The following EML6 variants were observed in gnomAD, a reference collection of about 807,000 sequenced individuals.
EML6 encodes the protein EMAP like 6, also known as echinoderm microtubule-associated protein-like 6.
A neutral mutation model predicts 240.1 loss-of-function variants in EML6; 154 were observed. That is an observed-to-expected ratio of 0.64 (90% CI 0.56 to 0.73). The LOEUF is 0.73. Ranked by LOEUF, EML6 falls within the 30% of genes least tolerant of loss-of-function variation. The pLI is 0.00. For synonymous variants in EML6, 1,148 were observed against 899.0 expected (o/e 1.28, Z -4.95); for missense variants, 2,964 against 2,474.6 (o/e 1.20, Z -4.20).
chr2:54,919,247 C>CT (rs1056840671), intron 26 of EML6, among the ~76,000 whole-genome samples: 1 of 143,230 alleles, frequency 7.0e-6, no homozygotes, highest in Non-Finnish European at 1.5e-5. Context: ...TTGCTTCCCC[C>CT]CCCCCCCAAT....
rs35753222 is a variant in EML6, at chr2:54,911,432, A to ATT, written c.3498+404_3498+405dup. ...GAACATTATTATCTATAACAACAGA[A>ATT]TTTTTTTTTTTTTTTGAGGTGGAGT... On this transcript the variant is annotated intron_variant, in intron 25 of 41. Coordinates refer to ENST00000356458, the MANE Select transcript of EML6 (RefSeq NM_001039753.4). Among the ~76,000 whole-genome samples, 618 of 145,270 alleles carry ATT rather than the reference A, an allele frequency of 4.3e-3. 2 individuals carry two copies. The highest frequency in any genetic ancestry group is 0.011 in the Middle Eastern group (3 of 280).
chr2:54,750,300 C>T lies in EML6; in HGVS notation c.197+25042C>T, dbSNP rs146099094. On this transcript the variant is annotated intron_variant, in intron 2 of 41. Coordinates refer to ENST00000356458, the MANE Select transcript of EML6 (RefSeq NM_001039753.4). ...TGGCCAAGCTGGAACTCTGCCATTC[C>T]GATGGCTTCATAGCTACTTACTCAC... is the stretch of plus-strand genomic sequence containing the variant. 2.2e-3 allele frequency among the ~76,000 whole-genome samples: 337 copies of T among 152,268 alleles called. 1 individual carries two copies. Among genetic ancestry groups the T allele is most frequent in the Middle Eastern group, 0.014 (4 of 294 alleles).
At chr2:54,776,675 A>G (rs1668617064) in intron 2 of EML6, among the ~76,000 whole-genome samples, 1 of 152,142 alleles carries the variant, frequency 6.6e-6, no homozygotes. Flanking sequence ...ATGAACATGC[A>G]CATGTATTCC....
chr2:54,960,233 G>A lies in EML6; in HGVS notation c.4867G>A (p.Gly1623Ser). The change falls in exon 35 of 42, where the codon GGT becomes AGT. Residue 1623 changes from glycine to serine, a missense_variant. Gly to Ser is a moderately conservative substitution (Grantham distance 56, BLOSUM62 0). Coordinates refer to ENST00000356458, the MANE Select transcript of EML6 (RefSeq NM_001039753.4). ...AATCTTTTTTAGGACCAAAGAAGGA[G>A]GTGCTGTAAAATTGTGGGACCAGGA... ...GGKERPTKEG[G>S]AVKLWDQEMK... The A allele has an allele frequency of 5.2e-6, 8 of 1,551,276 alleles. No homozygotes were observed. Among genetic ancestry groups the A allele is most frequent in the Non-Finnish European group, 6.1e-6 (7 of 1,146,684 alleles).
chr2:54,757,253 C>T (rs936477117), intron 2 of EML6, among the ~76,000 whole-genome samples: 2 of 152,094 alleles, frequency 1.3e-5, no homozygotes, highest in East Asian at 1.9e-4. Flanking sequence ...AGATGTTGGG[C>T]AGGCTTTGGC....
At chr2:54,779,855 CA>C (rs1360497723) in intron 2 of EML6, among the ~76,000 whole-genome samples, 6 of 48,640 alleles carry the variant, frequency 1.2e-4, no homozygotes, top group African/African-American at 4.5e-4. Context: ...GACCCAGTCT[CA>C]AAAAAAAAGA....
chr2:54,766,327 T>C (rs1359463437), intron 2 of EML6, among the ~76,000 whole-genome samples: 1 of 152,222 alleles, frequency 6.6e-6, no homozygotes, highest in Non-Finnish European at 1.5e-5. Context: ...CAAGTCTGTT[T>C]TGTCTTCTTT....
intron 2 of EML6, among the ~76,000 whole-genome samples, chr2:54,782,051 T>G (rs1258967977): frequency 6.6e-6 from 1 of 152,222 alleles, no homozygotes; most frequent in Non-Finnish European, 1.5e-5. Flanking sequence ...AACAAAAAGT[T>G]TTCTCTATTT....
intron 8 of EML6, among the ~76,000 whole-genome samples, chr2:54,844,692 ATT>A (rs1669654798): frequency 2.0e-5 from 3 of 152,224 alleles, no homozygotes; most frequent in Admixed American, 2.0e-4. Context: ...ATAAGCTATT[ATT>A]TCTTTTTAAA....
At chr2:54,886,027 T>C (rs1037376146) in intron 17 of EML6, among the ~76,000 whole-genome samples, 7 of 152,130 alleles carry the variant, frequency 4.6e-5, no homozygotes, top group African/African-American at 1.7e-4. Context: ...TTCTTTTTAT[T>C]GTGGAAAATT....
At chr2:54,793,385 C>CTTTTTTTT (rs10683746) in intron 2 of EML6, among the ~76,000 whole-genome samples, 3 of 121,808 alleles carry the variant, frequency 2.5e-5, no homozygotes, top group Non-Finnish European at 3.3e-5. Context: ...TATGAGTAGG[C>CTTTTTTTT]TTTTTTTTTT....
At chr2:54,899,881 T>TA in intron 22 of EML6, 99 bp downstream of exon 22, 2 of 1,170,208 alleles carry the variant, frequency 1.7e-6, no homozygotes, top group East Asian at 5.3e-5. Context: ...GCACGTGTTA[T>TA]ATGCCCATAA....
intron 4 of EML6, 40 bp from the exon 5 acceptor site, chr2:54,820,354 A>G: frequency 7.1e-7 from 1 of 1,410,672 alleles, no homozygotes; most frequent in Non-Finnish European, 9.8e-7. Flanking sequence ...GCAAAAATAT[A>G]CCAAATGATC....
chr2:54,859,653 T>C lies in EML6; in HGVS notation c.1777T>C (p.Phe593Leu). ...TGATCACTCAGTTTTCCAGTGGAGGTTTATTCCAGAAGGTGTCAGCAACGG... is the reference window on the plus strand; with the variant it reads ...TGATCACTCAGTTTTCCAGTGGAGGCTTATTCCAGAAGGTGTCAGCAACGG... The part of the protein sequence containing the change: ...GADHSVFQWR[F>L]IPEGVSNGML... Residue 593 changes from phenylalanine (F) to leucine (L), a missense_variant, in exon 12 of 42, where the codon TTT becomes CTT. By Grantham distance (22) the Phe-to-Leu change is conservative. Coordinates refer to ENST00000356458, the MANE Select transcript of EML6 (RefSeq NM_001039753.4). 1 of 1,550,604 alleles carries C rather than the reference T, an allele frequency of 6.4e-7. No homozygotes were observed. The highest frequency in any genetic ancestry group is 8.7e-7 in the Non-Finnish European group (1 of 1,146,716).
chr2:54,870,455 A>G (rs890908709), intron 15 of EML6, among the ~76,000 whole-genome samples: 1 of 152,052 alleles, frequency 6.6e-6, no homozygotes, highest in Admixed American at 6.6e-5. Context: ...ATTGTTTTTT[A>G]AAAGGGTTAC....
chr2:54,964,420 G>A (rs923941486), intron 37 of EML6, 151 bp from the exon 38 acceptor site: 32 of 755,798 alleles, frequency 4.2e-5, no homozygotes, highest in East Asian at 8.1e-5. Flanking sequence ...GTTGAATTCC[G>A]TAGAATGCCA....
chr2:54,765,454 C>A (rs1012236982), intron 2 of EML6, among the ~76,000 whole-genome samples: 8 of 152,052 alleles, frequency 5.3e-5, no homozygotes, highest in African/African-American at 1.9e-4. Flanking sequence ...TTTATGCATT[C>A]TTTTATTTTT....
chr2:54,843,891 C>A (rs1056024487), intron 7 of EML6, among the ~76,000 whole-genome samples, 156 bp from the exon 8 acceptor site: 5 of 147,784 alleles, frequency 3.4e-5, no homozygotes, highest in Non-Finnish European at 4.5e-5. Context: ...AGAGTTGATT[C>A]TCTGCCTCCA....
intron 2 of EML6, among the ~76,000 whole-genome samples, chr2:54,782,617 T>G (rs1668900140): frequency 6.6e-6 from 1 of 152,170 alleles, no homozygotes; most frequent in Admixed American, 6.5e-5. Flanking sequence ...CATGAATGTG[T>G]CTAATCAAAT....
Sources: gnomAD v4.1 joint callset for allele counts (sites outside exome capture counted in the v4.1 genomes callset) on GRCh38, gnomAD v4.1.1 for gene constraint, MANE v1.5 for transcripts, NCBI Gene and HGNC (gene_info 2026-07-23, HGNC 2026-07-21) for gene names.